HELZ2: variants seen among roughly 807,000 people sequenced by gnomAD.
HELZ2 encodes the protein helicase with zinc finger 2, also known as 3'-5' exoribonuclease HELZ2.
Under a neutral mutation model 208.8 loss-of-function variants are expected in HELZ2, and 143 were observed. That is an observed-to-expected ratio of 0.68 (90% CI 0.60 to 0.79). HELZ2 has a LOEUF of 0.79. HELZ2 is among the 30% of genes least tolerant of loss of function. The pLI is 0.00. For missense variants in HELZ2, 3,690 were observed against 3,794.5 expected (o/e 0.97, Z 0.72); for synonymous variants, 1,705 against 1,693.7 (o/e 1.01, Z -0.16).
At chr20:63,574,078 C>G (rs1222230902), upstream of HELZ2, 14 of 146,534 alleles carry the variant, frequency 9.6e-5, no homozygotes, top group Admixed American at 7.4e-4. Flanking sequence ...CGGACCCCCC[C>G]CTCCGCCCCC....
In HELZ2 at chr20:63,560,164, G is replaced by A; in HGVS notation, c.7657+7C>T. 7.8e-7 allele frequency: 1 copy of A among 1,280,728 alleles called. No individual in the cohort carries two copies. The highest frequency in any genetic ancestry group is 3.3e-5 in the East Asian group (1 of 30,470). The allele number at this position is 1,280,728 out of a possible 1,614,324, so 79.3% of individuals were successfully genotyped here. A position where few individuals can be genotyped will look rare whatever the true frequency, so the allele number is the denominator to read the frequency against. On this transcript the variant is annotated splice_region_variant and intron_variant, in intron 17 of 18. Transcript: ENST00000467148. ...TCCCGGCCCCACCCACGAGCCCCCAGCCTCACCCTGGCTCTTGGTGATGGA... is the reference window on the plus strand; with the variant it reads ...TCCCGGCCCCACCCACGAGCCCCCAACCTCACCCTGGCTCTTGGTGATGGA...
rs746660603 is a variant in HELZ2 at position 63,563,650 on chromosome 20, C to T, written c.5172G>A (p.Ala1724=). 178 of 1,548,490 alleles carry T rather than the reference C, an allele frequency of 1.1e-4. 1 individual carries two copies. Among genetic ancestry groups the T allele is most frequent in the Non-Finnish European group, 1.5e-4 (169 of 1,152,742 alleles). Reference sequence around the variant, plus strand: ...GCTGCACGGCCAGGTGCAGGCTGCGCGCCCGCCGCTGATAGCTCTGGGCAA... The same window carrying T: ...GCTGCACGGCCAGGTGCAGGCTGCGTGCCCGCCGCTGATAGCTCTGGGCAA... Residue 1724 remains alanine (A), a synonymous_variant, in exon 8 of 19, where the codon GCG becomes GCA. Transcript: ENST00000467148.
Position 63,567,170 on chromosome 20 carries a change from C to T in HELZ2, c.2188G>A (p.Glu730Lys), listed in dbSNP as rs201624376. The T allele has an allele frequency of 3.4e-5, 54 of 1,609,348 alleles. No homozygotes were observed. The East Asian group carries it at 8.2e-4, about 25-fold the overall frequency. ...ACCAGGCGGCTCTGCCGCGCCACCT[C>T]GTGAGTCTCCTGCTGGTAGCACAGG... is the stretch of plus-strand genomic sequence containing the variant. The change falls in exon 6 of 19, where the codon GAG (glutamate) becomes AAG (lysine). Residue 730 changes from glutamate to lysine, a missense_variant. This residue lies in a region of HELZ2 where 1,119 missense variants were observed against 1,193.4 expected (regional missense o/e 0.94). Transcript: ENST00000467148.
chr20:63,564,060 C>T (rs148688872), exon 8 of HELZ2: 39 of 1,605,120 alleles, frequency 2.4e-5, no homozygotes, highest in Admixed American at 1.0e-4. Context: ...GGACTGCCCC[C>T]GCCGCCGTGC....
upstream of HELZ2, chr20:63,572,510 T>G (rs1468111228): frequency 9.2e-7 from 1 of 1,083,606 alleles, no homozygotes; most frequent in African/African-American, 1.6e-5. Flanking sequence ...CACCACAAAC[T>G]GTTGCTTGCG....
rs2146022006 is a variant in HELZ2 at position 63,569,693 on chromosome 20, G to A, written c.571-28C>T. On this transcript the variant is annotated intron_variant, in intron 3 of 18. Coordinates refer to ENST00000467148, the Ensembl canonical transcript of HELZ2. ...GGAGAGGAGGCCAGACGGTGAGGGG[G>A]GCCCAGGGCTCCCCCCAACCCTCCC... 6.7e-6 allele frequency: 10 copies of A among 1,486,508 alleles called. 1 individual carries two copies. The South Asian group carries it at 1.3e-4, about 19-fold the overall frequency. 92.1% of individuals were successfully genotyped at this position (1,486,508 alleles called of 1,614,324 possible).
chr20:63,563,034 C>G, exon 8 of HELZ2: 3 of 1,600,532 alleles, frequency 1.9e-6, no homozygotes, highest in Non-Finnish European at 2.6e-6. Context: ...TCCCTCGGGG[C>G]CCGGTACACA....
exon 8 of HELZ2, chr20:63,563,244 C>T (rs1421231688): frequency 6.4e-7 from 1 of 1,553,540 alleles, no homozygotes; most frequent in East Asian, 2.4e-5. Context: ...TGCACCTGCA[C>T]CAGCTCCCGC....
At chr20:63,563,082 C>T (rs759721939) in exon 8 of HELZ2, 2 of 1,598,580 alleles carry the variant, frequency 1.3e-6, no homozygotes, top group South Asian at 1.1e-5. Flanking sequence ...TCCACGTGCT[C>T]CAGGCAGAGG....
chr20:63,558,919 A>G (rs1413459907), downstream of HELZ2: 24 of 238,786 alleles, frequency 1.0e-4, no homozygotes, highest in East Asian at 1.8e-3. Flanking sequence ...GGTGGCGTCC[A>G]AAGGTCAAAG....
chr20:63,559,220 G>A, exon 19 of HELZ2: 5 of 1,508,408 alleles, frequency 3.3e-6, no homozygotes, highest in Non-Finnish European at 4.5e-6. Flanking sequence ...TCCCAGTCCT[G>A]GCACCTTGCA....
exon 8 of HELZ2, chr20:63,564,778 C>T (rs1286648766): frequency 1.1e-5 from 17 of 1,611,892 alleles, no homozygotes; most frequent in Non-Finnish European, 1.4e-5. Flanking sequence ...TGCAGGCGCC[C>T]TGGGGGTCCA....
At chr20:63,570,344 C>G (rs1218017586) in intron 3 of HELZ2, 160 bp downstream of exon 4, 1 of 722,956 alleles carries the variant, frequency 1.4e-6, no homozygotes, top group Non-Finnish European at 2.6e-6. Flanking sequence ...GGTGAGGAGA[C>G]TGAGGCAGAG....
exon 8 of HELZ2, chr20:63,566,001 C>T (rs2082952167): frequency 1.3e-6 from 2 of 1,597,770 alleles, no homozygotes; most frequent in South Asian, 2.2e-5. Context: ...TCGGGGCAGA[C>T]ACTGTGCCGC....
intron 5 of HELZ2, chr20:63,568,134 CT>C: frequency 1.7e-6 from 1 of 585,962 alleles, no homozygotes. Context: ...TGACACTCTC[CT>C]TGGGCCAGGG....
At chr20:63,569,118 C>CCCCAGCTGCTCCTGCTAG (rs2082993522) in intron 4 of HELZ2, 30 bp downstream of exon 5, 1 of 1,576,662 alleles carries the variant, frequency 6.3e-7, no homozygotes, top group Non-Finnish European at 8.6e-7. Context: ...GCTCCTGCTA[C>CCCCAGCTGCTCCTGCTAG]CCCAGCTGCT....
intron 18 of HELZ2, 78 bp from the exon 20 acceptor site, chr20:63,559,448 C>G: frequency 7.7e-7 from 1 of 1,297,018 alleles, no homozygotes; most frequent in Non-Finnish European, 1.0e-6. Context: ...GAGTCAGGGT[C>G]AGGTGGGAGT....
Position 63,566,472 on chromosome 20 carries a change from C to CG in HELZ2, c.2515-20dup. ...CACTGACCTGAAGACGCAGCAGGGC[C>CG]GGGGATGAGTGCTGGACGCAGTGAG... On this transcript the variant is annotated intron_variant, in intron 6 of 18. Transcript: ENST00000467148. The CG allele has an allele frequency of 6.5e-7, 1 of 1,546,700 alleles. No individual in the cohort carries two copies. The highest frequency in any genetic ancestry group is 8.7e-7 in the Non-Finnish European group (1 of 1,145,586).
Position 63,562,085 on chromosome 20 carries a change from A to AT in HELZ2, c.6515_6516insA (p.Gln2173SerfsTer21). 6.2e-7 allele frequency: 1 copy of AT among 1,601,546 alleles called. No individual in the cohort carries two copies. The highest frequency in any genetic ancestry group is 8.5e-7 in the Non-Finnish European group (1 of 1,172,780). On this transcript the variant is annotated frameshift_variant, in exon 10 of 19. Coordinates refer to ENST00000467148, the Ensembl canonical transcript of HELZ2. LOFTEE classifies it high-confidence loss of function. ...CATGGGCCCTACCTGGTGGGCCCTG[A>AT]ATGACCGTGAAAGGCTTCTCCAGAG...
Sources: gnomAD v4.1 joint callset for allele counts on GRCh38, gnomAD v4.1.1 for gene constraint, gnomAD v4.1.1 regional missense constraint, MANE v1.5 for transcripts, NCBI Gene and HGNC (gene_info 2026-07-23, HGNC 2026-07-21) for gene names.